The following CLEC12A variants were observed in gnomAD, a reference collection of about 807,000 sequenced individuals.
The protein encoded by CLEC12A is C-type lectin domain family 12 member A.
A neutral mutation model predicts 26.5 loss-of-function variants in CLEC12A; 22 were observed. The observed-to-expected ratio is 0.83, with a 90% CI of 0.59 to 1.19. CLEC12A has a LOEUF of 1.19. Ranked by LOEUF, CLEC12A falls within the 50% of genes most tolerant of loss-of-function variation. CLEC12A has a pLI of 0.00. For missense variants in CLEC12A, 353 were observed against 315.6 expected (o/e 1.12, Z -0.90); for synonymous variants, 119 against 101.9 (o/e 1.17, Z -1.01).
At position 9,985,451 on chromosome 12, in the gene CLEC12A, C is replaced by G; in HGVS notation, c.*425C>G. On this transcript the variant is annotated 3_prime_UTR_variant, in exon 6 of 6. Transcript: ENST00000304361. Reference sequence around the variant, plus strand: ...GTCCATCCTATACTTCCATGGGACTCCCTATGGCTGAAGGCCTTATGAGTC... The same window carrying G: ...GTCCATCCTATACTTCCATGGGACTGCCTATGGCTGAAGGCCTTATGAGTC... The G allele has an allele frequency of 5.0e-6, 2 of 399,386 alleles. No homozygotes were observed. Among genetic ancestry groups the G allele is most frequent in the Non-Finnish European group, 8.8e-6 (2 of 226,682 alleles). 24.7% of individuals were successfully genotyped at this position (399,386 alleles called of 1,614,324 possible). A position where few individuals can be genotyped will look rare whatever the true frequency, so the allele number is the denominator to read the frequency against.
the CLEC12A span, among the ~76,000 whole-genome samples, chr12:10,001,926 C>T: frequency 6.9e-6 from 1 of 144,574 alleles, no homozygotes; most frequent in African/African-American, 2.5e-5. Context: ...GTCGTCCAGG[C>T]TGGAGTGCAG....
downstream of CLEC12A, chr12:9,986,179 G>A (rs1003527094): frequency 6.6e-6 from 3 of 454,116 alleles, no homozygotes; most frequent in South Asian, 4.7e-5. Flanking sequence ...AACAAGAAGA[G>A]ATAAATAACA....
intron 1 of CLEC12A, among the ~76,000 whole-genome samples, chr12:9,956,698 A>C (rs1863746848): frequency 6.6e-6 from 1 of 152,252 alleles, no homozygotes. Flanking sequence ...GCAAACTATA[A>C]TAAGATTAAA....
downstream of CLEC12A, among the ~76,000 whole-genome samples, chr12:9,998,031 G>C (rs1392265489): frequency 1.3e-5 from 2 of 152,146 alleles, no homozygotes; most frequent in African/African-American, 4.8e-5. Flanking sequence ...TCCACACTGA[G>C]GAGGGTCTTA....
chr12:9,977,156 T>G (rs1280569773), intron 1 of CLEC12A, among the ~76,000 whole-genome samples: 3 of 152,220 alleles, frequency 2.0e-5, no homozygotes, highest in East Asian at 1.9e-4. Flanking sequence ...TCTACCAACT[T>G]TCTCTAAAGA....
chr12:9,982,106 T>A lies in CLEC12A; in HGVS notation c.618T>A (p.Asp206Glu), dbSNP rs1565562012. ...ATTCCACTCGTGGTATGAGAGTGGA[T>A]AATATAATCAACTCCTCTGCCTGGT... The part of the protein sequence containing the change: ...EEDSTRGMRV[D>E]NIINSSAWVI... The change falls in exon 5 of 6, where the codon GAT (aspartate) becomes GAA (glutamate). Residue 206 changes from aspartate to glutamate, a missense_variant. Transcript: ENST00000304361. The A allele has an allele frequency of 1.3e-6, 2 of 1,577,542 alleles. No homozygotes were observed. The highest frequency in any genetic ancestry group is 1.3e-5 in the African/African-American group (1 of 74,208).
downstream of CLEC12A, chr12:9,999,159 C>A: frequency 9.0e-7 from 1 of 1,109,742 alleles, no homozygotes; most frequent in Non-Finnish European, 1.3e-6. Flanking sequence ...ATGTAGTTTC[C>A]AACTTTACAA....
downstream of CLEC12A, among the ~76,000 whole-genome samples, chr12:9,996,133 A>G (rs114144880): frequency 6.0e-3 from 908 of 152,306 alleles, 6 homozygotes; most frequent in African/African-American, 0.021. Context: ...GGCATTCCAC[A>G]GGAGATATTG....
At position 9,981,923 on chromosome 12, in the gene CLEC12A, G is replaced by C. The variant is rs1282857769; in HGVS notation, c.532-97G>C. 4.8e-6 allele frequency: 3 copies of C among 627,628 alleles called. No homozygotes were observed. In the Admixed American group the frequency reaches 9.1e-5, roughly 19 times the overall value. The allele number at this position is 627,628 out of a possible 1,614,324, so 38.9% of individuals were successfully genotyped here. On this transcript the variant is annotated intron_variant, in intron 4 of 5. Transcript: ENST00000304361. ...ATAGTAGTAGTGCAATGTCCAGTAT[G>C]TTACCTTAAAACAGCAATTTGTAAG... is the stretch of plus-strand genomic sequence containing the variant.
downstream of CLEC12A, among the ~76,000 whole-genome samples, chr12:9,989,909 T>C (rs1198030648): frequency 1.3e-5 from 2 of 152,196 alleles, no homozygotes; most frequent in African/African-American, 4.8e-5. Flanking sequence ...CCTAGGGACC[T>C]TAATAATTAT....
rs1482844581 is a variant in CLEC12A at position 9,980,746 on chromosome 12, T to G, written c.531+13T>G. ...CAAAAATGCATTGGTAAAGCCCAGG[T>G]GTTTCTACCATCATGGGATAGAGAG... On this transcript the variant is annotated intron_variant, in intron 4 of 5. Coordinates refer to ENST00000304361, the MANE Select transcript of CLEC12A (RefSeq NM_138337.6). 1 of 1,612,504 alleles carries G rather than the reference T, an allele frequency of 6.2e-7. No homozygotes were observed. Among genetic ancestry groups the G allele is most frequent in the Non-Finnish European group, 8.5e-7 (1 of 1,179,226 alleles).
chr12:10,005,017 C>A, the CLEC12A span, among the ~76,000 whole-genome samples: 1 of 151,466 alleles, frequency 6.6e-6, no homozygotes, highest in Non-Finnish European at 1.5e-5. Context: ...GTGAAATGAT[C>A]TAGTATATTT....
intron 5 of CLEC12A, chr12:9,983,856 A>G (rs993672172): frequency 1.5e-5 from 4 of 267,878 alleles, no homozygotes; most frequent in Admixed American, 5.2e-5. Flanking sequence ...GAGATAAGCT[A>G]TCTACAAATG....
intron 1 of CLEC12A, among the ~76,000 whole-genome samples, chr12:9,956,810 C>A (rs1175688811): frequency 2.0e-5 from 3 of 152,132 alleles, no homozygotes; most frequent in African/African-American, 4.8e-5. Flanking sequence ...TGCAGTACAC[C>A]TGTTATTAGA....
At chr12:9,967,886 T>C (rs983176564), upstream of CLEC12A, among the ~76,000 whole-genome samples, 3 of 152,072 alleles carry the variant, frequency 2.0e-5, no homozygotes, top group South Asian at 4.1e-4. Flanking sequence ...GAAACATGGG[T>C]GAATAATCAG....
downstream of CLEC12A, among the ~76,000 whole-genome samples, chr12:9,988,998 T>C: frequency 6.6e-6 from 1 of 151,948 alleles, no homozygotes; most frequent in Non-Finnish European, 1.5e-5. Flanking sequence ...ATTAAGAAAA[T>C]GTGGCACATA....
chr12:9,984,954 T>C lies in CLEC12A; in HGVS notation c.726T>C (p.Tyr242=), dbSNP rs1307515935. The part of the protein sequence containing the change: ...RLYVQYYHCT[Y]KKRMICEKMA... ...ATGTTCAATATTATCACTGCACTTA[T>C]AAAAAAAGAATGATATGTGAGAAGA... The change falls in exon 6 of 6, where the codon TAT becomes TAC. Residue 242 remains tyrosine, a synonymous_variant. Transcript: ENST00000304361. 2 of 1,571,814 alleles carry C rather than the reference T, an allele frequency of 1.3e-6. No homozygotes were observed. The highest frequency in any genetic ancestry group is 8.7e-7 in the Non-Finnish European group (1 of 1,155,510).
intron 1 of CLEC12A, among the ~76,000 whole-genome samples, chr12:9,960,358 A>T (rs1406992742): frequency 6.6e-6 from 1 of 152,234 alleles, no homozygotes; most frequent in African/African-American, 2.4e-5. Context: ...ACTTTTTGGT[A>T]GGCTTAGGAT....
downstream of CLEC12A, among the ~76,000 whole-genome samples, chr12:9,988,183 G>C (rs1293393148): frequency 6.6e-6 from 1 of 152,036 alleles, no homozygotes; most frequent in Non-Finnish European, 1.5e-5. Context: ...TGCAGGAGGG[G>C]ACCTGGTGGG....
Sources: gnomAD v4.1 joint callset for allele counts (sites outside exome capture counted in the v4.1 genomes callset) on GRCh38, gnomAD v4.1.1 for gene constraint, MANE v1.5 for transcripts, NCBI Gene and HGNC (gene_info 2026-07-23, HGNC 2026-07-21) for gene names.